The following ZNF710 variants were observed in gnomAD, a reference collection of about 807,000 sequenced individuals.
ZNF710 encodes the protein zinc finger protein 710.
ZNF710 carries 13 observed loss-of-function variants against 50.6 expected under a neutral mutation model. That is an observed-to-expected ratio of 0.26 (90% CI 0.17 to 0.41). The LOEUF is 0.41. Ranked by LOEUF, ZNF710 falls within the 10% of genes least tolerant of loss-of-function variation. The probability of loss-of-function intolerance (pLI) is 1.00; values close to 1 mark genes in which losing one functional copy is unlikely to be tolerated. For missense variants in ZNF710, 721 were observed against 936.6 expected (o/e 0.77, Z 3.01); for synonymous variants, 383 against 397.0 (o/e 0.96, Z 0.42).
chr15:90,075,902 AG>A (rs1900576895), intron 4 of ZNF710: 1 of 152,220 alleles, frequency 6.6e-6, no homozygotes, highest in African/African-American at 2.4e-5. Context: ...ACACCTGCTG[AG>A]TCAGACTCTA....
chr15:90,045,156 A>G (rs944725028), intron 1 of ZNF710, among the ~76,000 whole-genome samples: 15 of 152,196 alleles, frequency 9.9e-5, no homozygotes, highest in Admixed American at 1.3e-4. Context: ...TAAGGTAATC[A>G]TCCATTTACT....
intron 1 of ZNF710, among the ~76,000 whole-genome samples, chr15:90,012,098 G>C (rs963676157): frequency 6.6e-6 from 1 of 151,956 alleles, no homozygotes; most frequent in South Asian, 2.1e-4. Context: ...CCAGCTACTC[G>C]GGAGGCTGAG....
intron 2 of ZNF710, among the ~76,000 whole-genome samples, chr15:90,072,745 G>A (rs372212887): frequency 1.3e-4 from 20 of 152,270 alleles, no homozygotes; most frequent in African/African-American, 4.8e-4. Flanking sequence ...GAATGAATGA[G>A]CACACATTTG....
Position 90,067,746 on chromosome 15 carries a change from C to T in ZNF710, c.609C>T (p.Ser203=). ...APARDGFPEP[S]MALPGPEALP... ...CCCGGGATGGCTTCCCCGAGCCCAG[C>T]ATGGCGCTGCCTGGGCCAGAGGCCT... Residue 203 remains serine, a synonymous_variant, in exon 2 of 5, where the codon AGC becomes AGT. Coordinates refer to ENST00000268154, the MANE Select transcript of ZNF710 (RefSeq NM_198526.4). The surrounding 1 kb of genome is among the most constrained non-coding windows in gnomAD (Gnocchi z 8.1). The T allele has an allele frequency of 6.3e-7, 1 of 1,596,250 alleles. No homozygotes were observed.
intron 1 of ZNF710, among the ~76,000 whole-genome samples, chr15:90,053,347 C>A (rs545716461): frequency 1.4e-3 from 176 of 129,578 alleles, no homozygotes; most frequent in South Asian, 0.012. Context: ...GCAGTGAATT[C>A]CTTTTTTTTT....
chr15:90,044,638 T>C (rs558803625), intron 1 of ZNF710, among the ~76,000 whole-genome samples: 1 of 152,328 alleles, frequency 6.6e-6, no homozygotes, highest in South Asian at 2.1e-4. Flanking sequence ...TCCTAAATTA[T>C]CCAAACAGAA....
intron 1 of ZNF710, among the ~76,000 whole-genome samples, chr15:90,027,748 A>T (rs758084310): frequency 5.3e-5 from 8 of 151,526 alleles, no homozygotes; most frequent in Non-Finnish European, 1.0e-4. Flanking sequence ...GCTGCTCGGA[A>T]GGCTGAGGCA....
intron 2 of ZNF710, among the ~76,000 whole-genome samples, chr15:90,071,539 T>G (rs1900385012): frequency 6.6e-6 from 1 of 152,016 alleles, no homozygotes; most frequent in African/African-American, 2.4e-5. Flanking sequence ...AATACAAAGT[T>G]TTTATACCAA....
chr15:90,022,375 CAAAAA>C (rs900074428), intron 1 of ZNF710, among the ~76,000 whole-genome samples: 1 of 151,626 alleles, frequency 6.6e-6, no homozygotes, highest in Non-Finnish European at 1.5e-5. Flanking sequence ...GACTCTGTCT[CAAAAA>C]AACAAAACAA....
At chr15:90,053,389 C>T (rs918920775) in intron 1 of ZNF710, among the ~76,000 whole-genome samples, 14 of 151,422 alleles carry the variant, frequency 9.2e-5, no homozygotes, top group African/African-American at 3.4e-4. Flanking sequence ...CACTCTGTCA[C>T]CCGGGCTGGA....
intron 1 of ZNF710, among the ~76,000 whole-genome samples, chr15:90,022,195 G>A (rs1374814902): frequency 6.6e-6 from 1 of 151,672 alleles, no homozygotes; most frequent in Non-Finnish European, 1.5e-5. Flanking sequence ...GACCAATATA[G>A]TGAAACCCCA....
At chr15:90,071,881 G>A (rs1048795256) in intron 2 of ZNF710, among the ~76,000 whole-genome samples, 10 of 151,934 alleles carry the variant, frequency 6.6e-5, no homozygotes, top group South Asian at 4.2e-4. Flanking sequence ...TCACCATGTT[G>A]GCCAGCCTGG....
Position 90,062,456 on chromosome 15 carries a change from C to T in ZNF710, c.-28-4654C>T, listed in dbSNP as rs954776970. Among the ~76,000 whole-genome samples the T allele has an allele frequency of 2.6e-5, 4 of 152,140 alleles. No individual in the cohort carries two copies. Among genetic ancestry groups the T allele is most frequent in the Admixed American group, 6.5e-5 (1 of 15,278 alleles). On this transcript the variant is annotated intron_variant, in intron 1 of 4. Transcript: ENST00000268154. The surrounding 1 kb of genome is among the most constrained non-coding windows in gnomAD (Gnocchi z 5.6). ...CCTGGACATGGGGGGAGCTTTTGTT[C>T]TGAGTCCTTAGCACAAGTGGTGGGA...
chr15:90,078,513 G>A (rs1259100350), intron 4 of ZNF710, among the ~76,000 whole-genome samples: 1 of 152,154 alleles, frequency 6.6e-6, no homozygotes, highest in Non-Finnish European at 1.5e-5. Context: ...ATTGGGTCAC[G>A]TGCCTATTCC....
chr15:90,054,348 T>G (rs28557389), intron 1 of ZNF710, among the ~76,000 whole-genome samples: 73,186 of 151,714 alleles, frequency 0.48, 21,637 homozygotes, highest in African/African-American at 0.81. Context: ...CTGAGGCGAG[T>G]CTTGGTGAGG....
At chr15:90,011,011 C>T (rs1327462048) in intron 1 of ZNF710, among the ~76,000 whole-genome samples, 1 of 150,754 alleles carries the variant, frequency 6.6e-6, no homozygotes, top group Non-Finnish European at 1.5e-5. Flanking sequence ...GCTCACTGCA[C>T]CCTCTGCCTC....
chr15:90,051,383 C>G (rs1388100633), intron 1 of ZNF710, among the ~76,000 whole-genome samples: 2 of 152,182 alleles, frequency 1.3e-5, no homozygotes, highest in Non-Finnish European at 2.9e-5. Flanking sequence ...CCTGCAATCC[C>G]AGCACTTTGG....
At chr15:89,999,415 C>A (rs1343056357), upstream of ZNF710, among the ~76,000 whole-genome samples, 2 of 152,210 alleles carry the variant, frequency 1.3e-5, no homozygotes, top group African/African-American at 4.8e-5. Context: ...GAGCTGCATT[C>A]TGCTTTTTTG....
chr15:90,066,978 C>A, intron 1 of ZNF710, 132 bp from the exon 2 acceptor site: 1 of 1,000,522 alleles, frequency 1.0e-6, no homozygotes, highest in Non-Finnish European at 1.4e-6. Context: ...GCCCTGTTCC[C>A]AAGGCCAGGA....
Sources: gnomAD v4.1 joint callset for allele counts (sites outside exome capture counted in the v4.1 genomes callset) on GRCh38, gnomAD v4.1.1 for gene constraint, Gnocchi (gnomAD v3.1) non-coding constraint, MANE v1.5 for transcripts, NCBI Gene and HGNC (gene_info 2026-07-23, HGNC 2026-07-21) for gene names.